The following ZNF469 variants were observed in gnomAD, a reference collection of about 807,000 sequenced individuals.
ZNF469 encodes the protein zinc finger protein 469.
In ZNF469, 1 loss-of-function variant was observed where a neutral mutation model predicts 1.0. The observed-to-expected ratio is 1.00, with a 90% CI of 0.35 to 4.73. ZNF469 has a LOEUF of 4.73. ZNF469 is among the 30% of genes most tolerant of loss of function. ZNF469 has a pLI of 0.16. For synonymous variants in ZNF469, 2,703 were observed against 2,363.4 expected, an observed-to-expected ratio of 1.14 and a Z score of -4.17; for missense variants, 6,100 against 5,356.3, an observed-to-expected ratio of 1.14 and a Z score of -4.33.
the ZNF469 span, among the ~76,000 whole-genome samples, chr16:88,347,018 G>A: frequency 0.077 from 11,751 of 152,264 alleles, 458 homozygotes; most frequent in East Asian, 0.12. Flanking sequence ...CTGGTTCTGG[G>A]GGGAAGTAAG....
chr16:88,166,130 G>T, the ZNF469 span, among the ~76,000 whole-genome samples: 1 of 152,220 alleles, frequency 6.6e-6, no homozygotes, highest in Non-Finnish European at 1.5e-5. This position sits in a 1 kb window ranked among gnomAD's most constrained non-coding sequence, Gnocchi z 4.5. Flanking sequence ...CCCAGAGCCT[G>T]CGTTCATTCT....
intron 1 of ZNF469, among the ~76,000 whole-genome samples, chr16:88,384,189 G>A (rs142318745): frequency 1.3e-5 from 2 of 152,352 alleles, no homozygotes; most frequent in South Asian, 2.1e-4. Flanking sequence ...CCAAGTCTTA[G>A]ATGCAGAAAC....
rs1437691264 is a variant in ZNF469 at position 88,438,125 on chromosome 16, C to T, written c.10655C>T (p.Pro3552Leu). The change falls in exon 3 of 3, where the codon CCG becomes CTG. Residue 3552 changes from proline (P) to leucine (L), a missense_variant. Transcript: ENST00000565624. ...CCATCCAACCACCAGGAGTGTCCCC[C>T]GCCGTCTCTGTCTCCCTTCCCAGCT... ...ELPSNHQECP[P>L]PSLSPFPAAL... is the part of the protein sequence containing the mutation. 18 of 1,550,306 alleles carry T rather than the reference C, an allele frequency of 1.2e-5. No individual in the cohort carries two copies. The highest frequency in any genetic ancestry group is 1.7e-4 in the Middle Eastern group (1 of 6,014).
the ZNF469 span, chr16:88,178,906 C>G: frequency 6.6e-6 from 1 of 152,340 alleles, no homozygotes; most frequent in Non-Finnish European, 1.5e-5. Context: ...ACCTGGAGGC[C>G]GCCCTTGCTC....
the ZNF469 span, among the ~76,000 whole-genome samples, chr16:88,354,713 C>T: frequency 2.6e-5 from 4 of 152,206 alleles, no homozygotes; most frequent in Non-Finnish European, 5.9e-5. Context: ...TTCCATTCTC[C>T]GCCCAAGCAG....
chr16:88,185,990 C>A, the ZNF469 span, among the ~76,000 whole-genome samples: 3 of 152,184 alleles, frequency 2.0e-5, no homozygotes, highest in Admixed American at 6.5e-5. Context: ...GACACACACA[C>A]TCACACATTC....
chr16:88,183,633 CT>C, the ZNF469 span, among the ~76,000 whole-genome samples: 3 of 152,174 alleles, frequency 2.0e-5, no homozygotes, highest in African/African-American at 7.2e-5. Context: ...AGGGGCCTGA[CT>C]GCAGAGGGGC....
At chr16:88,247,348 G>A in the ZNF469 span, among the ~76,000 whole-genome samples, 2 of 134,616 alleles carry the variant, frequency 1.5e-5, no homozygotes, top group African/African-American at 6.2e-5. Flanking sequence ...GAATGAGTGA[G>A]TGAATGAGTG....
At chr16:88,396,309 C>A (rs1324251423) in intron 1 of ZNF469, among the ~76,000 whole-genome samples, 1 of 152,256 alleles carries the variant, frequency 6.6e-6, no homozygotes, top group Non-Finnish European at 1.5e-5. Flanking sequence ...TGCTTTTCTG[C>A]ACATCAGCTC....
At chr16:88,238,373 A>T in the ZNF469 span, among the ~76,000 whole-genome samples, 1 of 152,228 alleles carries the variant, frequency 6.6e-6, no homozygotes, top group Non-Finnish European at 1.5e-5. Flanking sequence ...GGAAGGAGGC[A>T]GGAGGAAGGG....
chr16:88,416,661 T>C (rs1475799349), intron 1 of ZNF469, among the ~76,000 whole-genome samples: 1 of 152,108 alleles, frequency 6.6e-6, no homozygotes, highest in African/African-American at 2.4e-5. Context: ...TAATGGAAAA[T>C]AACTAGGGTT....
the ZNF469 span, among the ~76,000 whole-genome samples, chr16:88,105,685 G>T: frequency 2.0e-5 from 3 of 152,242 alleles, no homozygotes; most frequent in Admixed American, 6.5e-5. Context: ...GCATAATTGG[G>T]AACGGATGAA....
the ZNF469 span, among the ~76,000 whole-genome samples, chr16:88,204,021 C>T: frequency 3.5e-5 from 5 of 144,048 alleles, no homozygotes; most frequent in Non-Finnish European, 7.4e-5. Context: ...TGTCTCATAA[C>T]CCCATAGAGC....
chr16:88,131,868 G>C, the ZNF469 span, among the ~76,000 whole-genome samples: 1 of 152,194 alleles, frequency 6.6e-6, no homozygotes, highest in African/African-American at 2.4e-5. Context: ...TCCCCTCCTG[G>C]TGGGTGGCTT....
chr16:88,269,857 T>G, the ZNF469 span, among the ~76,000 whole-genome samples: 1 of 152,138 alleles, frequency 6.6e-6, no homozygotes, highest in Non-Finnish European at 1.5e-5. Flanking sequence ...TGAGTGTGTC[T>G]GACTTCCCGG....
At chr16:88,319,737 C>T in the ZNF469 span, among the ~76,000 whole-genome samples, 2 of 152,214 alleles carry the variant, frequency 1.3e-5, no homozygotes, top group African/African-American at 2.4e-5. Flanking sequence ...TAACAGGACA[C>T]GCTGAGTGGT....
At chr16:88,413,829 G>T (rs1485147667) in intron 1 of ZNF469, among the ~76,000 whole-genome samples, 2 of 152,228 alleles carry the variant, frequency 1.3e-5, no homozygotes, top group Non-Finnish European at 2.9e-5. Context: ...CCGCAGCAGT[G>T]GGGAGAGCGA....
At chr16:88,174,498 C>G in the ZNF469 span, among the ~76,000 whole-genome samples, 2 of 132,972 alleles carry the variant, frequency 1.5e-5, no homozygotes, top group African/African-American at 6.1e-5. Context: ...ATCTATCTAT[C>G]TATCTATCTA....
At chr16:88,225,072 T>C in the ZNF469 span, among the ~76,000 whole-genome samples, 1 of 152,218 alleles carries the variant, frequency 6.6e-6, no homozygotes, top group East Asian at 1.9e-4. Flanking sequence ...CTGGCCCCCC[T>C]GCCCCTTCCC....
Sources: allele counts gnomAD v4.1 joint callset (sites outside exome capture counted in the v4.1 genomes callset), GRCh38; gene constraint gnomAD v4.1.1; non-coding constraint Gnocchi (gnomAD v3.1); transcripts MANE v1.5; gene names NCBI Gene and HGNC (gene_info 2026-07-23, HGNC 2026-07-21).